The following CNTN4 variants were observed in gnomAD, a reference collection of about 807,000 sequenced individuals.
CNTN4 encodes the protein contactin 4.
A neutral mutation model predicts 122.5 loss-of-function variants in CNTN4; 77 were observed. That is an observed-to-expected ratio of 0.63 (90% CI 0.52 to 0.76). The LOEUF (loss-of-function observed/expected upper bound fraction) is 0.76. CNTN4 is among the 30% of genes least tolerant of loss of function. CNTN4 has a pLI of 0.00. For missense variants in CNTN4, 1,256 were observed against 1,259.1 expected, an observed-to-expected ratio of 1.00 and a Z score of 0.04; for synonymous variants, 512 against 447.0, an observed-to-expected ratio of 1.15 and a Z score of -1.83.
At chr3:2,730,182 AG>A (rs548347783) in intron 4 of CNTN4, among the ~76,000 whole-genome samples, 199 of 152,326 alleles carry the variant, frequency 1.3e-3, no homozygotes, top group African/African-American at 4.6e-3. Context: ...AGATATCCTC[AG>A]GATGACACCC....
chr3:2,326,245 G>GT (rs926151027), intron 2 of CNTN4, among the ~76,000 whole-genome samples: 1 of 152,140 alleles, frequency 6.6e-6, no homozygotes, highest in African/African-American at 2.4e-5. Flanking sequence ...TTTGAACTGG[G>GT]ACATTGGCTT....
chr3:2,213,233 G>C (rs895415751), intron 2 of CNTN4, among the ~76,000 whole-genome samples: 3 of 152,110 alleles, frequency 2.0e-5, no homozygotes, highest in Non-Finnish European at 2.9e-5. Flanking sequence ...GAGATGTTTT[G>C]TCTAACTTCA....
At chr3:2,502,364 C>T (rs961638212) in intron 3 of CNTN4, among the ~76,000 whole-genome samples, 1 of 152,158 alleles carries the variant, frequency 6.6e-6, no homozygotes, top group Non-Finnish European at 1.5e-5. Flanking sequence ...CTTCATGTCT[C>T]ATCTGTCTCT....
chr3:2,883,326 G>T, intron 9 of CNTN4, 79 bp downstream of exon 9: 2 of 1,027,198 alleles, frequency 1.9e-6, no homozygotes, highest in Non-Finnish European at 3.0e-6. Context: ...TGTTCACAGC[G>T]ATGGTTTCTG....
intron 13 of CNTN4, among the ~76,000 whole-genome samples, chr3:2,947,620 G>T (rs1246877346): frequency 2.6e-5 from 4 of 152,038 alleles, no homozygotes; most frequent in African/African-American, 7.2e-5. Context: ...TTATTTTTTG[G>T]TTTTTTGTTT....
chr3:2,482,157 G>T (rs997891357), intron 3 of CNTN4, among the ~76,000 whole-genome samples: 11 of 152,146 alleles, frequency 7.2e-5, no homozygotes, highest in African/African-American at 2.4e-4. Flanking sequence ...GAATGGTTTT[G>T]ACCAAAATGC....
At chr3:2,192,179 A>G (rs571604868) in intron 2 of CNTN4, among the ~76,000 whole-genome samples, 143 of 152,204 alleles carry the variant, frequency 9.4e-4, no homozygotes, top group Admixed American at 1.8e-3. Flanking sequence ...GAATAGTGCC[A>G]CAGTAAACAT....
At chr3:2,445,642 A>G (rs981953115) in intron 3 of CNTN4, among the ~76,000 whole-genome samples, 10 of 152,188 alleles carry the variant, frequency 6.6e-5, no homozygotes, top group African/African-American at 1.9e-4. Flanking sequence ...TGTTAATGCT[A>G]GATTCATCAT....
At chr3:2,120,243 A>T (rs1441424836) in intron 2 of CNTN4, among the ~76,000 whole-genome samples, 3 of 151,020 alleles carry the variant, frequency 2.0e-5, no homozygotes, top group Non-Finnish European at 4.4e-5. Context: ...GTTTAGCTGG[A>T]TTCTACTTTG....
intron 4 of CNTN4, among the ~76,000 whole-genome samples, chr3:2,572,279 G>A (rs370131979): frequency 1.7e-4 from 26 of 152,188 alleles, no homozygotes; most frequent in African/African-American, 5.5e-4. Context: ...CCAGCTACTC[G>A]GGGAGCTGAG....
intron 3 of CNTN4, among the ~76,000 whole-genome samples, chr3:2,373,440 C>G (rs908890161): frequency 6.6e-6 from 1 of 152,184 alleles, no homozygotes; most frequent in Non-Finnish European, 1.5e-5. Context: ...ACGCTGAAAG[C>G]CAAGGTAATA....
At chr3:2,482,572 A>C (rs568657033) in intron 3 of CNTN4, among the ~76,000 whole-genome samples, 2 of 152,308 alleles carry the variant, frequency 1.3e-5, no homozygotes, top group African/African-American at 4.8e-5. Context: ...AGGCCCTCCC[A>C]TGACAGGCCC....
intron 3 of CNTN4, among the ~76,000 whole-genome samples, chr3:2,416,641 G>C (rs2047423585): frequency 6.6e-6 from 1 of 152,034 alleles, no homozygotes; most frequent in Non-Finnish European, 1.5e-5. Context: ...AAAATCAGAG[G>C]GCTTTCCAGT....
At chr3:2,743,916 T>C (rs2089608035) in intron 5 of CNTN4, among the ~76,000 whole-genome samples, 1 of 152,078 alleles carries the variant, frequency 6.6e-6, no homozygotes, top group Non-Finnish European at 1.5e-5. Context: ...GTTCAAGTGG[T>C]CCTCCCACCT....
intron 4 of CNTN4, among the ~76,000 whole-genome samples, chr3:2,613,562 T>C (rs998995716): frequency 6.6e-5 from 10 of 152,192 alleles, no homozygotes; most frequent in African/African-American, 2.4e-4. Flanking sequence ...CTTTATAAGA[T>C]GGTATACATA....
chr3:2,622,237 C>G (rs188782176), intron 4 of CNTN4, among the ~76,000 whole-genome samples: 1 of 152,212 alleles, frequency 6.6e-6, no homozygotes, highest in East Asian at 1.9e-4. Context: ...AGAATAACTT[C>G]CAGATGAAAG....
At chr3:2,156,793 A>G (rs2035741345) in intron 2 of CNTN4, among the ~76,000 whole-genome samples, 1 of 152,006 alleles carries the variant, frequency 6.6e-6, no homozygotes, top group African/African-American at 2.4e-5. Context: ...ACCATGAAGA[A>G]GGATGATGTG....
intron 3 of CNTN4, among the ~76,000 whole-genome samples, chr3:2,565,679 T>C (rs564236619): frequency 1.3e-5 from 2 of 152,338 alleles, no homozygotes; most frequent in African/African-American, 4.8e-5. Context: ...ATTCAACAAA[T>C]ATCTATTGAC....
intron 4 of CNTN4, among the ~76,000 whole-genome samples, chr3:2,699,994 G>A (rs1346827924): frequency 6.6e-6 from 1 of 152,080 alleles, no homozygotes. Flanking sequence ...GGAATGGCAA[G>A]CTGTCTATGA....
Sources: allele counts gnomAD v4.1 joint callset (sites outside exome capture counted in the v4.1 genomes callset), GRCh38; gene constraint gnomAD v4.1.1; transcripts MANE v1.5; gene names NCBI Gene and HGNC (gene_info 2026-07-23, HGNC 2026-07-21).